The following DGKE variants were observed in gnomAD, a reference collection of about 807,000 sequenced individuals.
DGKE encodes the protein diacylglycerol kinase epsilon.
A neutral mutation model predicts 70.0 loss-of-function variants in DGKE; 53 were observed. The ratio of observed to expected loss-of-function variants is 0.76; its 90% CI spans 0.61 to 0.95. The LOEUF (loss-of-function observed/expected upper bound fraction) is 0.95. Ranked by LOEUF, DGKE falls within the 40% of genes least tolerant of loss-of-function variation. DGKE has a pLI of 0.00. For missense variants in DGKE, 655 were observed against 706.9 expected (o/e 0.93, Z 0.83); for synonymous variants, 291 against 257.0 (o/e 1.13, Z -1.27).
chr17:56,856,880 C>T (rs1907983891), intron 8 of DGKE, among the ~76,000 whole-genome samples: 1 of 151,950 alleles, frequency 6.6e-6, no homozygotes, highest in Non-Finnish European at 1.5e-5. Context: ...AGGTGGATCA[C>T]TTGAGGTCAG....
intron 1 of DGKE, among the ~76,000 whole-genome samples, chr17:56,834,465 C>G (rs1004223195): frequency 6.6e-6 from 1 of 152,222 alleles, no homozygotes; most frequent in Non-Finnish European, 1.5e-5. Flanking sequence ...GCAGCTTGCC[C>G]CTGTATGTTG....
intron 8 of DGKE, 151 bp downstream of exon 8, chr17:56,856,776 CT>C (rs887078129): frequency 0.095 from 69,348 of 731,062 alleles, 1 homozygote; most frequent in South Asian, 0.13. Context: ...CAAATTAGAT[CT>C]TTTTTTTTTT....
Position 56,834,695 on chromosome 17 carries a change from C to T in DGKE, c.-18-83C>T. On this transcript the variant is annotated intron_variant, in intron 1 of 11. Coordinates refer to ENST00000284061, the MANE Select transcript of DGKE (RefSeq NM_003647.3). ...GCGGAGCCACCTTCACTGAGGGCGC[C>T]CGGTTTGGCCCCGGAAAGGCAGGAA... The T allele has an allele frequency of 1.2e-5, 16 of 1,339,390 alleles. No homozygotes were observed. The East Asian group carries it at 1.6e-4, about 14-fold the overall frequency. 83.0% of individuals were successfully genotyped at this position (1,339,390 alleles called of 1,614,324 possible).
At chr17:56,860,038 G>T (rs2144291096) in intron 9 of DGKE, among the ~76,000 whole-genome samples, 1 of 152,110 alleles carries the variant, frequency 6.6e-6, no homozygotes, top group South Asian at 2.1e-4. Context: ...GGCTTTGATG[G>T]TAGAGTAAAG....
At chr17:56,852,383 A>G (rs1031779404) in intron 7 of DGKE, among the ~76,000 whole-genome samples, 3 of 149,614 alleles carry the variant, frequency 2.0e-5, no homozygotes, top group Non-Finnish European at 4.4e-5. Context: ...ACTGTACTCT[A>G]CCCTGGGCGA....
intron 7 of DGKE, among the ~76,000 whole-genome samples, chr17:56,856,033 G>C (rs1907925148): frequency 6.7e-6 from 1 of 149,526 alleles, no homozygotes; most frequent in Admixed American, 6.7e-5. Flanking sequence ...GCTAAATTGA[G>C]AAGAGGTCAA....
At chr17:56,849,083 G>A in intron 6 of DGKE, 98 bp from the exon 7 acceptor site, 1 of 1,305,284 alleles carries the variant, frequency 7.7e-7, no homozygotes, top group Non-Finnish European at 1.1e-6. Context: ...GGTTACTTTT[G>A]TAGATGGTAT....
At chr17:56,856,457 G>T in intron 7 of DGKE, 55 bp from the exon 8 acceptor site, 1 of 1,524,966 alleles carries the variant, frequency 6.6e-7, no homozygotes, top group South Asian at 1.2e-5. Flanking sequence ...ATTTAATTAT[G>T]ACTCAAGCTT....
At chr17:56,860,452 C>T (rs1908225859) in intron 9 of DGKE, among the ~76,000 whole-genome samples, 1 of 152,170 alleles carries the variant, frequency 6.6e-6, no homozygotes, top group Admixed American at 6.5e-5. Context: ...TCACTTGAAC[C>T]CAGCAGGCAG....
rs540319998 is a variant in DGKE, at chr17:56,852,071, C to G, written c.1098+2839C>G. Among the ~76,000 whole-genome samples, 31 of 151,698 alleles carry G rather than the reference C, an allele frequency of 2.0e-4. No homozygotes were observed. The East Asian group carries it at 6.1e-3, about 30-fold the overall frequency. On this transcript the variant is annotated intron_variant, in intron 7 of 11. Coordinates refer to ENST00000284061, the MANE Select transcript of DGKE (RefSeq NM_003647.3). ...TGACAGAGTGCAGATAAGACCCCAT[C>G]TCTAAAAAAAGAGAAAAAGAATACA...
rs532709483 is a variant in DGKE, at chr17:56,852,270, G to A, written c.1098+3038G>A. ...TCTAATAAAAATACAAAAATTAGCC[G>A]GGTGTGGTCGTGGGTGCCTGTAATC... On this transcript the variant is annotated intron_variant, in intron 7 of 11. Coordinates refer to ENST00000284061, the MANE Select transcript of DGKE (RefSeq NM_003647.3). Among the ~76,000 whole-genome samples, 6 of 151,946 alleles carry A rather than the reference G, an allele frequency of 3.9e-5. No individual in the cohort carries two copies. In the South Asian group the frequency reaches 8.3e-4, roughly 21 times the overall value.
chr17:56,849,809 G>T (rs1204382623), intron 7 of DGKE, among the ~76,000 whole-genome samples: 1 of 152,212 alleles, frequency 6.6e-6, no homozygotes, highest in Non-Finnish European at 1.5e-5. Context: ...TGGGTAGGAA[G>T]AAAATGAGAT....
At chr17:56,837,868 T>C (rs1200953857) in intron 2 of DGKE, among the ~76,000 whole-genome samples, 1 of 152,236 alleles carries the variant, frequency 6.6e-6, no homozygotes, top group Non-Finnish European at 1.5e-5. Flanking sequence ...TAATTTATAC[T>C]CATTCGATCA....
intron 9 of DGKE, 46 bp from the exon 10 acceptor site, chr17:56,861,745 G>T: frequency 6.3e-7 from 1 of 1,598,536 alleles, no homozygotes; most frequent in Non-Finnish European, 8.5e-7. Context: ...GATGTGTGTG[G>T]AAATTGTGTA....
chr17:56,845,827 C>T lies in DGKE; in HGVS notation c.744+18C>T. 1 of 1,565,482 alleles carries T rather than the reference C, an allele frequency of 6.4e-7. No homozygotes were observed. ...CAGTCCAGGTAACTAAAGAAAAAAACTTTTTATATTAATGTTTTCATTTTC... is the reference window on the plus strand; with the variant it reads ...CAGTCCAGGTAACTAAAGAAAAAAATTTTTTATATTAATGTTTTCATTTTC... On this transcript the variant is annotated intron_variant, in intron 4 of 11. Coordinates refer to ENST00000284061, the MANE Select transcript of DGKE (RefSeq NM_003647.3).
rs1209718196 is a variant in DGKE, at chr17:56,865,953, T to C, written c.*3162T>C. The C allele has an allele frequency of 2.0e-5, 3 of 152,162 alleles. No individual in the cohort carries two copies. Among genetic ancestry groups the C allele is most frequent in the African/African-American group, 7.2e-5 (3 of 41,454 alleles). The allele number at this position is 152,162 out of a possible 1,614,324, so 9.4% of individuals were successfully genotyped here. On this transcript the variant is annotated 3_prime_UTR_variant, in exon 12 of 12. Transcript: ENST00000284061. ...TAGAATGGGTAATGGTTTTGTGTGGTTTTCCTTCAAAATGATAATATTGAA... is the reference window on the plus strand; with the variant it reads ...TAGAATGGGTAATGGTTTTGTGTGGCTTTCCTTCAAAATGATAATATTGAA...
intron 2 of DGKE, chr17:56,838,393 G>A (rs1054773758): frequency 2.0e-5 from 3 of 152,170 alleles, no homozygotes; most frequent in Admixed American, 6.5e-5. Context: ...AAGAATTTTC[G>A]GCTTTCCCAA....
At chr17:56,859,175 A>G (rs75599784) in intron 9 of DGKE, among the ~76,000 whole-genome samples, 2 of 143,506 alleles carry the variant, frequency 1.4e-5, no homozygotes, top group African/African-American at 5.0e-5. Context: ...AAAAAAAAAA[A>G]TTAGCCAGGC....
chr17:56,860,072 CTT>C (rs998472249), intron 9 of DGKE, among the ~76,000 whole-genome samples: 10 of 151,970 alleles, frequency 6.6e-5, no homozygotes, highest in African/African-American at 2.4e-4. Flanking sequence ...AAAATAAAGA[CTT>C]TTATTTTATT....
Sources: allele counts gnomAD v4.1 joint callset (sites outside exome capture counted in the v4.1 genomes callset), GRCh38; gene constraint gnomAD v4.1.1; transcripts MANE v1.5; gene names NCBI Gene and HGNC (gene_info 2026-07-23, HGNC 2026-07-21).